Variants in CNTNAP2 observed in about 807,000 individuals in gnomAD.
CNTNAP2 encodes contactin-associated protein-like 2.
In CNTNAP2, 98 loss-of-function variants were observed where a neutral mutation model predicts 155.2. The ratio of observed to expected loss-of-function variants is 0.63; its 90% CI spans 0.54 to 0.75. The LOEUF is 0.75. Ranked by LOEUF, CNTNAP2 falls within the 30% of genes least tolerant of loss-of-function variation. CNTNAP2 has a pLI of 0.00. For missense variants in CNTNAP2, 1,727 were observed against 1,688.1 expected, an observed-to-expected ratio of 1.02 and a Z score of -0.40; for synonymous variants, 651 against 631.2, an observed-to-expected ratio of 1.03 and a Z score of -0.47.
At chr7:148,390,515 G>GT (rs1799321906) in intron 22 of CNTNAP2, among the ~76,000 whole-genome samples, 1 of 152,136 alleles carries the variant, frequency 6.6e-6, no homozygotes, top group Admixed American at 6.5e-5. Context: ...TGGCCTTATG[G>GT]TTAAAGGGAT....
At chr7:146,940,897 CT>C (rs1456295659) in intron 3 of CNTNAP2, among the ~76,000 whole-genome samples, 1 of 151,984 alleles carries the variant, frequency 6.6e-6, no homozygotes, top group Non-Finnish European at 1.5e-5. Flanking sequence ...GGGCCACTTT[CT>C]AATTATATAA....
At chr7:146,449,062 C>A (rs980560901) in intron 1 of CNTNAP2, among the ~76,000 whole-genome samples, 2 of 152,078 alleles carry the variant, frequency 1.3e-5, no homozygotes, top group Admixed American at 1.3e-4. Context: ...TGATACCATT[C>A]TTTCTTCTAA....
At chr7:148,157,519 C>T (rs1585157175) in intron 17 of CNTNAP2, among the ~76,000 whole-genome samples, 2 of 139,740 alleles carry the variant, frequency 1.4e-5, no homozygotes, top group Non-Finnish European at 3.0e-5. Context: ...TGGGAAATAT[C>T]TTTTTACTGG....
At chr7:147,217,308 T>A (rs929271616) in intron 8 of CNTNAP2, among the ~76,000 whole-genome samples, 1 of 151,984 alleles carries the variant, frequency 6.6e-6, no homozygotes, top group Admixed American at 6.6e-5. Flanking sequence ...TTCTTTTTCA[T>A]GTTGAGGAAG....
chr7:148,334,688 C>A (rs1430129548), intron 21 of CNTNAP2, among the ~76,000 whole-genome samples: 1 of 152,188 alleles, frequency 6.6e-6, no homozygotes, highest in Non-Finnish European at 1.5e-5. Context: ...GCCTGCACAC[C>A]TTTGCCAGGC....
At chr7:147,701,353 G>A (rs926155211) in intron 13 of CNTNAP2, among the ~76,000 whole-genome samples, 12 of 152,122 alleles carry the variant, frequency 7.9e-5, no homozygotes, top group African/African-American at 2.9e-4. Context: ...AACTGCAGTA[G>A]GTCAGTTTGC....
chr7:147,239,701 A>G (rs1049294588), intron 8 of CNTNAP2, among the ~76,000 whole-genome samples: 1 of 152,166 alleles, frequency 6.6e-6, no homozygotes, highest in Non-Finnish European at 1.5e-5. Flanking sequence ...CATTTCTAGA[A>G]GTTAAACAGA....
chr7:148,415,483 G>T lies in CNTNAP2; in HGVS notation c.3863G>T (p.Arg1288Leu). 6.2e-7 allele frequency: 1 copy of T among 1,614,152 alleles called. No homozygotes were observed. Among genetic ancestry groups the T allele is most frequent in the Non-Finnish European group, 8.5e-7 (1 of 1,180,024 alleles). Residue 1288 changes from arginine to leucine, a missense_variant, in exon 24 of 24, where the codon CGC becomes CTC. Physicochemically the swap from Arg to Leu is moderately radical, Grantham distance 102. Coordinates refer to ENST00000361727, the MANE Select transcript of CNTNAP2 (RefSeq NM_014141.6). The stretch of plus-strand genomic sequence containing the variant: ...GTCTTCCTGATCCGGTACATGTTCC[G>T]CCACAAGGGCACCTACCATACCAAC... ...TLVFLIRYMFRHKGTYHTNEA... is the reference protein window; with the variant it reads ...TLVFLIRYMFLHKGTYHTNEA...
intron 13 of CNTNAP2, among the ~76,000 whole-genome samples, chr7:147,769,858 C>T (rs1260952472): frequency 6.6e-6 from 1 of 152,060 alleles, no homozygotes; most frequent in Non-Finnish European, 1.5e-5. Flanking sequence ...TCCTCAGCTG[C>T]AAATTAGAGA....
chr7:146,601,184 G>A (rs1346913288), intron 1 of CNTNAP2, among the ~76,000 whole-genome samples: 2 of 152,094 alleles, frequency 1.3e-5, no homozygotes, highest in Non-Finnish European at 2.9e-5. Context: ...GATCTAGGTT[G>A]ATAATGACAT....
chr7:146,548,145 G>A (rs150211440), intron 1 of CNTNAP2, among the ~76,000 whole-genome samples: 9 of 151,942 alleles, frequency 5.9e-5, no homozygotes, highest in Admixed American at 5.9e-4. Flanking sequence ...AGGCCCCAGT[G>A]TGTGTTATTT....
At chr7:146,143,160 A>G (rs1419819730) in intron 1 of CNTNAP2, among the ~76,000 whole-genome samples, 8 of 152,184 alleles carry the variant, frequency 5.3e-5, no homozygotes, top group Admixed American at 5.2e-4. Context: ...TGCACCTCCT[A>G]AAGAATGACT....
chr7:147,260,633 G>A lies in CNTNAP2; in HGVS notation c.1349-39508G>A, dbSNP rs555272221. ...AGAACCTGTATAATTTTTTTCCTCC[G>A]TGATTTTGTAGGGAATATGGAATTC... On this transcript the variant is annotated intron_variant, in intron 8 of 23. Coordinates refer to ENST00000361727, the MANE Select transcript of CNTNAP2 (RefSeq NM_014141.6). 4.3e-4 allele frequency among the ~76,000 whole-genome samples: 66 copies of A among 152,150 alleles called. No individual in the cohort carries two copies. In the South Asian group the frequency reaches 0.011, roughly 24 times the overall value.
chr7:146,720,969 ATATATAGAC>A (rs1563202838), intron 1 of CNTNAP2, among the ~76,000 whole-genome samples: 3 of 123,174 alleles, frequency 2.4e-5, no homozygotes, highest in African/African-American at 1.2e-4. Context: ...TATACAGTAT[ATATATAGAC>A]TATATATACT....
intron 1 of CNTNAP2, among the ~76,000 whole-genome samples, chr7:146,750,388 T>C (rs1033304334): frequency 6.6e-6 from 1 of 152,194 alleles, no homozygotes; most frequent in African/African-American, 2.4e-5. Context: ...CAATCATTAA[T>C]TTTTAAAATT....
In CNTNAP2 at chr7:148,267,185, G is replaced by A. The variant is rs1040758864; in HGVS notation, c.3475+59G>A. On this transcript the variant is annotated intron_variant, in intron 21 of 23. Transcript: ENST00000361727. ...CTACAAATACATTTGGGTAATGTGA[G>A]TTTGGATTTTAAAACTATCAGGTAA... is the stretch of plus-strand genomic sequence containing the variant. 5.5e-6 allele frequency: 8 copies of A among 1,447,204 alleles called. No individual in the cohort carries two copies. The African/African-American group carries it at 1.1e-4, about 20-fold the overall frequency. 89.6% of individuals were successfully genotyped at this position (1,447,204 alleles called of 1,614,324 possible).
At chr7:147,528,497 C>T (rs1209036222) in intron 11 of CNTNAP2, among the ~76,000 whole-genome samples, 1 of 152,152 alleles carries the variant, frequency 6.6e-6, no homozygotes, top group East Asian at 1.9e-4. Flanking sequence ...TTCCCTCTCT[C>T]CTTTACACAC....
intron 8 of CNTNAP2, among the ~76,000 whole-genome samples, chr7:147,232,063 T>C (rs1168528032): frequency 6.6e-6 from 1 of 152,098 alleles, no homozygotes; most frequent in Non-Finnish European, 1.5e-5. Context: ...AAGAAAATGA[T>C]CCCATTTATA....
chr7:147,887,211 C>T (rs1461475666), intron 13 of CNTNAP2, among the ~76,000 whole-genome samples: 1 of 152,200 alleles, frequency 6.6e-6, no homozygotes, highest in African/African-American at 2.4e-5. Flanking sequence ...GTGGCTCACG[C>T]CTGTAATCCC....
Sources: allele counts gnomAD v4.1 joint callset (sites outside exome capture counted in the v4.1 genomes callset), GRCh38; gene constraint gnomAD v4.1.1; transcripts MANE v1.5; gene names NCBI Gene and HGNC (gene_info 2026-07-23, HGNC 2026-07-21).